MAML3: variants seen among roughly 807,000 people sequenced by gnomAD.
MAML3 encodes the protein mastermind-like protein 3.
In MAML3, 27 loss-of-function variants were observed where a neutral mutation model predicts 101.9. The observed-to-expected ratio is 0.27, with a 90% confidence interval of 0.20 to 0.37. The LOEUF (loss-of-function observed/expected upper bound fraction) is 0.37, where lower values mean the gene tolerates loss of function less well. Ranked by LOEUF, MAML3 falls within the 10% of genes least tolerant of loss-of-function variation. MAML3 has a pLI of 1.00. For missense variants in MAML3, 1,316 were observed against 1,444.9 expected (o/e 0.91, Z 1.45); for synonymous variants, 501 against 555.9 (o/e 0.90, Z 1.39).
At chr4:139,720,389 T>C in intron 4 of MAML3, 66 bp from the exon 5 acceptor site, 1 of 1,417,902 alleles carries the variant, frequency 7.1e-7, no homozygotes, top group Non-Finnish European at 9.3e-7. Context: ...CAACAAGATG[T>C]TGGAATTTTC....
At chr4:140,053,696 G>A (rs1290438084) in intron 1 of MAML3, among the ~76,000 whole-genome samples, 2 of 152,078 alleles carry the variant, frequency 1.3e-5, no homozygotes, top group East Asian at 3.9e-4. Context: ...GGTTCTGAGG[G>A]CCAAAGGACA....
At chr4:139,863,150 CAAAAAAAAAAAAA>C (rs34108210) in intron 2 of MAML3, among the ~76,000 whole-genome samples, 1 of 114,138 alleles carries the variant, frequency 8.8e-6, no homozygotes, top group South Asian at 3.2e-4. Context: ...ACTCTGTCTC[CAAAAAAAAAAAAA>C]AAAAAAATAG....
chr4:140,083,807 T>A (rs1315230901), intron 1 of MAML3, among the ~76,000 whole-genome samples: 1 of 152,000 alleles, frequency 6.6e-6, no homozygotes, highest in African/African-American at 2.4e-5. Context: ...CCCAGGCAGT[T>A]TACAAGCATT....
rs893070459 is a variant in MAML3, at chr4:139,735,973, G to A, written c.2080-5306C>T. On this transcript the variant is annotated intron_variant, in intron 2 of 4. Transcript: ENST00000509479. This position sits in a 1 kb window ranked among gnomAD's most constrained non-coding sequence, Gnocchi z 5.8. Reference sequence around the variant, plus strand: ...CCAGCGGGCGCATTTCCCAGGCCCCGCCACATCGTGTGTGTTAGTGGCTGG... The same window carrying A: ...CCAGCGGGCGCATTTCCCAGGCCCCACCACATCGTGTGTGTTAGTGGCTGG... 3.9e-5 allele frequency among the ~76,000 whole-genome samples: 6 copies of A among 152,294 alleles called. No individual in the cohort carries two copies. The South Asian group carries it at 1.2e-3, about 32-fold the overall frequency.
At chr4:139,823,076 T>C (rs1731002688) in intron 2 of MAML3, among the ~76,000 whole-genome samples, 1 of 152,240 alleles carries the variant, frequency 6.6e-6, no homozygotes, top group African/African-American at 2.4e-5. Flanking sequence ...GCTTTGTCTT[T>C]GGAATATCAC....
At chr4:139,799,412 A>G (rs758773604) in intron 2 of MAML3, among the ~76,000 whole-genome samples, 4 of 152,198 alleles carry the variant, frequency 2.6e-5, no homozygotes, top group Non-Finnish European at 5.9e-5. Flanking sequence ...GGTTGAAACG[A>G]CTGAAATCAA....
chr4:139,835,639 T>C (rs1196748529), intron 2 of MAML3, among the ~76,000 whole-genome samples: 1 of 152,322 alleles, frequency 6.6e-6, no homozygotes, highest in Admixed American at 6.5e-5. Context: ...AACGGGGACC[T>C]GCCCTATTTT....
At chr4:139,953,264 C>T (rs1469601047) in intron 1 of MAML3, among the ~76,000 whole-genome samples, 1 of 152,186 alleles carries the variant, frequency 6.6e-6, no homozygotes, top group Non-Finnish European at 1.5e-5. Flanking sequence ...AGATTTATCT[C>T]TCACCGTATT....
intron 2 of MAML3, among the ~76,000 whole-genome samples, chr4:139,827,704 A>C (rs1731086878): frequency 6.6e-6 from 1 of 152,242 alleles, no homozygotes; most frequent in African/African-American, 2.4e-5. Flanking sequence ...TGAAGTGGAA[A>C]TATAATGTGC....
At chr4:139,902,826 T>C (rs541403168) in intron 1 of MAML3, among the ~76,000 whole-genome samples, 17 of 152,294 alleles carry the variant, frequency 1.1e-4, no homozygotes, top group Non-Finnish European at 1.0e-4. Flanking sequence ...CTGACTTCTG[T>C]GGGCAGCGAT....
intron 1 of MAML3, among the ~76,000 whole-genome samples, chr4:140,151,181 A>G (rs1729158206): frequency 2.0e-5 from 3 of 151,738 alleles, no homozygotes; most frequent in Non-Finnish European, 4.4e-5. Context: ...AAGGCGGGCA[A>G]GAGTGGCTGG....
intron 2 of MAML3, among the ~76,000 whole-genome samples, chr4:139,811,367 C>T (rs982723802): frequency 1.3e-5 from 2 of 152,148 alleles, no homozygotes; most frequent in African/African-American, 2.4e-5. Flanking sequence ...CTCTTCAGCC[C>T]ATGGCTTGAG....
rs77177095 is a variant in MAML3, at chr4:140,077,429, A to G, written c.468+75431T>C. On this transcript the variant is annotated intron_variant, in intron 1 of 4. Coordinates refer to ENST00000509479, the MANE Select transcript of MAML3 (RefSeq NM_018717.5). ...GCCCTGAAGCATCACTCCACTGGGA[A>G]GGCCAATGCTTTCTTCCATCACGTT... 5.7e-3 allele frequency among the ~76,000 whole-genome samples: 872 copies of G among 152,314 alleles called. 9 individuals carry two copies. The highest frequency in any genetic ancestry group is 0.02 in the African/African-American group (824 of 41,574).
At chr4:139,901,969 G>A (rs373706514) in intron 1 of MAML3, among the ~76,000 whole-genome samples, 13 of 152,122 alleles carry the variant, frequency 8.5e-5, no homozygotes, top group African/African-American at 3.1e-4. Context: ...AGCAGGATGC[G>A]AACAGCCAGG....
At chr4:140,092,076 GTATATATATACGTA>G (rs1728063157) in intron 1 of MAML3, among the ~76,000 whole-genome samples, 1 of 64,018 alleles carries the variant, frequency 1.6e-5, no homozygotes, top group African/African-American at 3.9e-5. Context: ...ATATATATAC[GTATATATATACGTA>G]TATATATATA....
At chr4:140,065,640 G>A (rs1727522559) in intron 1 of MAML3, among the ~76,000 whole-genome samples, 1 of 152,112 alleles carries the variant, frequency 6.6e-6, no homozygotes, top group Admixed American at 6.6e-5. Flanking sequence ...TCCACATTAA[G>A]GTTTTTGAAC....
intron 1 of MAML3, among the ~76,000 whole-genome samples, chr4:140,010,356 C>A (rs951527374): frequency 1.6e-4 from 24 of 152,186 alleles, no homozygotes; most frequent in African/African-American, 4.3e-4. Context: ...CCTATACACA[C>A]ACACATATTT....
intron 1 of MAML3, among the ~76,000 whole-genome samples, chr4:140,073,151 T>C (rs1188582607): frequency 6.6e-6 from 1 of 151,958 alleles, no homozygotes; most frequent in Non-Finnish European, 1.5e-5. Context: ...CTTTTTTTTT[T>C]TTTTGAGATA....
chr4:139,724,282 A>G (rs1728378633), intron 4 of MAML3, among the ~76,000 whole-genome samples: 1 of 152,236 alleles, frequency 6.6e-6, no homozygotes, highest in African/African-American at 2.4e-5. Context: ...TTCAGACTGT[A>G]AACTACAGCT....
Sources: gnomAD v4.1 joint callset for allele counts (sites outside exome capture counted in the v4.1 genomes callset) on GRCh38, gnomAD v4.1.1 for gene constraint, Gnocchi (gnomAD v3.1) non-coding constraint, MANE v1.5 for transcripts, NCBI Gene and HGNC (gene_info 2026-07-23, HGNC 2026-07-21) for gene names.